The following ZNF385D variants were observed in gnomAD, a reference collection of about 807,000 sequenced individuals.
ZNF385D encodes zinc finger protein 659.
In ZNF385D, 15 loss-of-function variants were observed where a neutral mutation model predicts 35.8. That is an observed-to-expected ratio of 0.42 (90% CI 0.28 to 0.64). The LOEUF (loss-of-function observed/expected upper bound fraction) is 0.64. Ranked by LOEUF, ZNF385D falls within the 30% of genes least tolerant of loss-of-function variation. The probability of loss-of-function intolerance (pLI) is 0.23; values close to 1 mark genes in which losing one functional copy is unlikely to be tolerated. For synonymous variants in ZNF385D, 212 were observed against 186.8 expected (o/e 1.13, Z -1.10); for missense variants, 474 against 494.6 (o/e 0.96, Z 0.39).
chr3:22,006,910 AGGTTT>A (rs1300487821), intron 3 of ZNF385D, among the ~76,000 whole-genome samples: 1 of 152,074 alleles, frequency 6.6e-6, no homozygotes, highest in Non-Finnish European at 1.5e-5. Context: ...AAGTCATTTA[AGGTTT>A]GGTAAGAAGT....
At chr3:21,473,302 A>G (rs1575212194) in intron 4 of ZNF385D, among the ~76,000 whole-genome samples, 2 of 151,928 alleles carry the variant, frequency 1.3e-5, no homozygotes, top group Non-Finnish European at 2.9e-5. Flanking sequence ...TTGGAGAGCT[A>G]AAAACTCTGT....
At chr3:21,457,115 A>G (rs868552078) in intron 4 of ZNF385D, among the ~76,000 whole-genome samples, 1 of 152,334 alleles carries the variant, frequency 6.6e-6, no homozygotes, top group Middle Eastern at 3.4e-3. Context: ...AAAACATAAT[A>G]GATTCCCAAT....
chr3:22,095,534 A>G (rs1227556759), intron 3 of ZNF385D, among the ~76,000 whole-genome samples: 7 of 151,970 alleles, frequency 4.6e-5, no homozygotes, highest in Non-Finnish European at 7.4e-5. Flanking sequence ...GATACTCTAG[A>G]TGATGTGATC....
At chr3:21,721,213 T>G (rs1381971611) in intron 1 of ZNF385D, among the ~76,000 whole-genome samples, 6 of 152,214 alleles carry the variant, frequency 3.9e-5, no homozygotes, top group African/African-American at 9.7e-5. Flanking sequence ...CCAGCGTCAG[T>G]GCTTACTCTG....
At chr3:22,304,590 T>G (rs1055104456) in intron 2 of ZNF385D, among the ~76,000 whole-genome samples, 8 of 152,172 alleles carry the variant, frequency 5.3e-5, no homozygotes, top group Non-Finnish European at 1.5e-5. Context: ...ATAATCATGC[T>G]TCCCACTTTT....
intron 4 of ZNF385D, among the ~76,000 whole-genome samples, chr3:21,442,888 TGTGTG>T (rs1701937977): frequency 7.5e-6 from 1 of 132,970 alleles, no homozygotes; most frequent in Admixed American, 7.3e-5. Context: ...TGTGTATAAG[TGTGTG>T]TGTGTGTGTG....
intron 3 of ZNF385D, among the ~76,000 whole-genome samples, chr3:21,521,672 T>A (rs1016152239): frequency 6.6e-6 from 1 of 152,112 alleles, no homozygotes; most frequent in Non-Finnish European, 1.5e-5. Context: ...GAAGATCACT[T>A]AGGTCCAGGA....
chr3:22,344,345 C>G (rs1055072165), intron 2 of ZNF385D, among the ~76,000 whole-genome samples: 11 of 151,976 alleles, frequency 7.2e-5, no homozygotes, highest in African/African-American at 2.4e-4. Context: ...ATCTTAAAAT[C>G]AAGGATAATA....
chr3:22,072,710 G>A (rs187841624), intron 3 of ZNF385D, among the ~76,000 whole-genome samples: 2 of 151,494 alleles, frequency 1.3e-5, no homozygotes, highest in South Asian at 2.1e-4. Context: ...GGAGAAAGAG[G>A]GAAGGACACG....
intron 3 of ZNF385D, among the ~76,000 whole-genome samples, chr3:22,017,380 G>C (rs570000430): frequency 6.6e-6 from 1 of 151,848 alleles, no homozygotes; most frequent in Admixed American, 6.6e-5. Flanking sequence ...TAGATCTCTG[G>C]CATATCTCTT....
chr3:22,020,209 C>A lies in ZNF385D; in HGVS notation c.325+148608G>T, dbSNP rs561696381. Among the ~76,000 whole-genome samples the A allele has an allele frequency of 2.0e-5, 3 of 151,828 alleles. No homozygotes were observed. In the South Asian group the frequency reaches 6.2e-4, roughly 32 times the overall value. ...GGAATTCTTAAAGTGGTGTGGGGTA[C>A]AGAATAATGACTGGGAGTTATAAAC... is the stretch of plus-strand genomic sequence containing the variant. On this transcript the variant is annotated intron_variant, in intron 3 of 5. Transcript: ENST00000494108.
chr3:22,204,780 T>C (rs111793418), intron 2 of ZNF385D, among the ~76,000 whole-genome samples: 464 of 151,906 alleles, frequency 3.1e-3, no homozygotes, highest in African/African-American at 0.011. Flanking sequence ...AGAGAATTAG[T>C]GAGCTTGAGG....
chr3:22,099,774 G>T (rs1465926175), intron 3 of ZNF385D, among the ~76,000 whole-genome samples: 1 of 151,966 alleles, frequency 6.6e-6, no homozygotes, highest in East Asian at 1.9e-4. Flanking sequence ...CCTGATTGGG[G>T]TCTTTGTAAA....
chr3:21,933,572 T>C (rs1040848445), intron 3 of ZNF385D, among the ~76,000 whole-genome samples: 2 of 152,204 alleles, frequency 1.3e-5, no homozygotes, highest in South Asian at 2.1e-4. Flanking sequence ...CCTAACATGA[T>C]GGCATTTAGC....
chr3:22,232,734 C>A (rs1698968075), intron 2 of ZNF385D, among the ~76,000 whole-genome samples: 2 of 152,162 alleles, frequency 1.3e-5, no homozygotes, highest in Non-Finnish European at 2.9e-5. Context: ...TTTTTAATGG[C>A]TGCATAGTAT....
intron 3 of ZNF385D, among the ~76,000 whole-genome samples, chr3:21,988,690 G>T (rs1694962248): frequency 6.6e-6 from 1 of 151,528 alleles, no homozygotes; most frequent in Admixed American, 6.5e-5. Flanking sequence ...GCTGTGGTGG[G>T]CTCCACCCAG....
chr3:22,003,448 A>G (rs1259340991), intron 3 of ZNF385D, among the ~76,000 whole-genome samples: 1 of 152,218 alleles, frequency 6.6e-6, no homozygotes, highest in African/African-American at 2.4e-5. Context: ...ATGGAAAGAC[A>G]TCTTATGCTC....
At chr3:22,119,540 T>A (rs920170916) in intron 3 of ZNF385D, among the ~76,000 whole-genome samples, 1 of 152,146 alleles carries the variant, frequency 6.6e-6, no homozygotes, top group Non-Finnish European at 1.5e-5. Context: ...GATTCCATAA[T>A]GGCCTTCTCC....
chr3:21,464,941 G>C (rs893863457), intron 4 of ZNF385D, among the ~76,000 whole-genome samples: 1 of 152,028 alleles, frequency 6.6e-6, no homozygotes, highest in Non-Finnish European at 1.5e-5. Flanking sequence ...TGCAGACAGA[G>C]GAATCCAAGC....
Sources: allele counts gnomAD v4.1 joint callset (sites outside exome capture counted in the v4.1 genomes callset), GRCh38; gene constraint gnomAD v4.1.1; transcripts MANE v1.5; gene names NCBI Gene and HGNC (gene_info 2026-07-23, HGNC 2026-07-21).